MPP2: variants seen among roughly 807,000 people sequenced by gnomAD.
MPP2 encodes MAGUK p55 scaffold protein 2, also known as MAGUK p55 subfamily member 2.
In MPP2, 42 loss-of-function variants were observed where a neutral mutation model predicts 58.5. The ratio of observed to expected loss-of-function variants is 0.72; its 90% confidence interval spans 0.56 to 0.93. MPP2 has a LOEUF of 0.93. MPP2 is among the 40% of genes least tolerant of loss of function. MPP2 has a pLI of 0.00. For missense variants in MPP2, 632 were observed against 760.4 expected, an observed-to-expected ratio of 0.83 and a Z score of 1.99; for synonymous variants, 300 against 307.8, an observed-to-expected ratio of 0.97 and a Z score of 0.26.
intron 1 of MPP2, 67 bp downstream of exon 1, chr17:43,907,407 G>A (rs2048333628): frequency 2.0e-6 from 2 of 985,576 alleles, no homozygotes; most frequent in Non-Finnish European, 2.4e-6. Context: ...CCTAAGTGCC[G>A]TGTCAGGACG....
At chr17:43,900,441 C>T (rs1348885715) in intron 2 of MPP2, 32 of 1,545,824 alleles carry the variant, frequency 2.1e-5, no homozygotes, top group African/African-American at 2.7e-5. Flanking sequence ...GGCCAGCTGC[C>T]CCGCCCCCAT....
intron 1 of MPP2, among the ~76,000 whole-genome samples, chr17:43,906,863 C>A (rs1460518559): frequency 1.3e-5 from 2 of 150,828 alleles, no homozygotes; most frequent in South Asian, 2.1e-4. Context: ...TCCGCACCGC[C>A]CCCCCCTTAA....
intron 2 of MPP2, chr17:43,901,357 C>T (rs1039256204): frequency 2.0e-6 from 2 of 985,438 alleles, no homozygotes; most frequent in Non-Finnish European, 1.2e-6. Flanking sequence ...GGGATGATGC[C>T]CAGGAAGCAA....
At chr17:43,904,531 G>A (rs1368410041) in intron 1 of MPP2, 38 bp from the exon 2 acceptor site, 2 of 1,576,954 alleles carry the variant, frequency 1.3e-6, no homozygotes, top group Non-Finnish European at 1.7e-6. Context: ...AGATACAAGG[G>A]CAAAGCAATG....
chr17:43,898,614 C>A (rs951249756), intron 2 of MPP2, among the ~76,000 whole-genome samples: 11 of 151,930 alleles, frequency 7.2e-5, no homozygotes, highest in Non-Finnish European at 1.6e-4. Context: ...CTAGGTAATG[C>A]CAGCCTGAGC....
At chr17:43,906,619 C>A (rs905458113) in intron 1 of MPP2, among the ~76,000 whole-genome samples, 5 of 152,184 alleles carry the variant, frequency 3.3e-5, no homozygotes, top group African/African-American at 1.2e-4. Context: ...GCGGGGAGGT[C>A]TGGACAGAAC....
chr17:43,885,774 C>T lies in MPP2; in HGVS notation c.151-2419G>A, dbSNP rs139446430. ...GGGATAAAAGACTACACACTGGGTACAGTGTATACTGCTTGGGTGATGGGT... is the reference window on the plus strand; with the variant it reads ...GGGATAAAAGACTACACACTGGGTATAGTGTATACTGCTTGGGTGATGGGT... On this transcript the variant is annotated intron_variant, in intron 3 of 12. Coordinates refer to ENST00000269095, the MANE Select transcript of MPP2 (RefSeq NM_005374.5). 2.9e-3 allele frequency among the ~76,000 whole-genome samples: 444 copies of T among 152,252 alleles called. 2 individuals are homozygous for T. Among genetic ancestry groups the T allele is most frequent in the Admixed American group, 4.8e-3 (73 of 15,290 alleles).
intron 3 of MPP2, among the ~76,000 whole-genome samples, chr17:43,886,553 T>C (rs1204823731): frequency 1.3e-5 from 2 of 152,240 alleles, no homozygotes; most frequent in Admixed American, 6.5e-5. Context: ...TCCGGCATAG[T>C]ATTCTATATC....
chr17:43,883,946 G>A (rs955639114), intron 3 of MPP2: 30 of 568,318 alleles, frequency 5.3e-5, no homozygotes, highest in African/African-American at 1.9e-4. Flanking sequence ...GGAATCCTTC[G>A]CCAGTGACCA....
chr17:43,881,500 G>A lies in MPP2; in HGVS notation c.771C>T (p.Asp257=), dbSNP rs1390003453. Residue 257 remains aspartate (D), a synonymous_variant, in exon 7 of 13, where the codon GAC becomes GAT. Coordinates refer to ENST00000269095, the MANE Select transcript of MPP2 (RefSeq NM_005374.5). The part of the protein sequence containing the change: ...KEAGLRFNAG[D]LLQIVNQDDA... ...CATCCTGGTTTACGATCTGGAGCAA[G>A]TCCCCGGCGTTGAAGCGCAGGCCTG... 17 of 1,614,044 alleles carry A rather than the reference G, an allele frequency of 1.1e-5. No homozygotes were observed. The highest frequency in any genetic ancestry group is 1.4e-5 in the Non-Finnish European group (17 of 1,180,016).
intron 1 of MPP2, among the ~76,000 whole-genome samples, 178 bp from the exon 2 acceptor site, chr17:43,904,671 T>C (rs2048222576): frequency 6.6e-6 from 1 of 152,136 alleles, no homozygotes; most frequent in South Asian, 2.1e-4. Context: ...AGAGCAGGTA[T>C]TACTCGCCTA....
upstream of MPP2, among the ~76,000 whole-genome samples, chr17:43,908,708 CAAAAG>C (rs942215861): frequency 6.6e-6 from 1 of 152,166 alleles, no homozygotes; most frequent in African/African-American, 2.4e-5. Flanking sequence ...GACCCTGTCT[CAAAAG>C]AAACAAAAAG....
Position 43,897,591 on chromosome 17 carries a change from C to G in MPP2, c.150+671G>C, listed in dbSNP as rs150367981. 1.5e-4 allele frequency among the ~76,000 whole-genome samples: 23 copies of G among 152,328 alleles called. No individual in the cohort carries two copies. In the East Asian group the frequency reaches 4.1e-3, roughly 27 times the overall value. On this transcript the variant is annotated intron_variant, in intron 3 of 12. Transcript: ENST00000269095. ...CCCTCCAGACCTGCCAACCTTTGCA[C>G]AGCTCGCATTGTCTTACACTTGAGG...
chr17:43,882,984 C>G lies in MPP2; in HGVS notation c.372G>C (p.Leu124=), dbSNP rs759869040. The change falls in exon 5 of 13, where the codon CTG becomes CTC. Residue 124 remains leucine (L), a synonymous_variant. Coordinates refer to ENST00000269095, the MANE Select transcript of MPP2 (RefSeq NM_005374.5). ...TYETPPPSPG[L]DPTFSNQPVP... ...CAGGCTGGTTGCTGAATGTAGGGTC[C>G]AGGCCAGGGCTGGGGGGTGGTGTCT... is the stretch of plus-strand genomic sequence containing the variant. 3 of 1,614,008 alleles carry G rather than the reference C, an allele frequency of 1.9e-6. No homozygotes were observed. In the African/African-American group the frequency reaches 4.0e-5, roughly 22 times the overall value.
In MPP2 at chr17:43,883,456, AC is replaced by A. The variant is rs898430504; in HGVS notation, c.151-102del. On this transcript the variant is annotated intron_variant, in intron 3 of 12. Transcript: ENST00000269095. ...AGCCCCCAGGCATTTTCCCCATCCC[AC>A]CCCCCAGCCCCCAGCTTCAGCTCCT... 1.2e-4 allele frequency: 152 copies of A among 1,224,208 alleles called. 1 individual carries two copies. The Middle Eastern group carries it at 1.6e-3, about 13-fold the overall frequency. The allele number at this position is 1,224,208 out of a possible 1,614,324, so 75.8% of individuals were successfully genotyped here. A position where few individuals can be genotyped will look rare whatever the true frequency, so the allele number is the denominator to read the frequency against.
At chr17:43,884,634 G>A (rs1157862009) in intron 3 of MPP2, among the ~76,000 whole-genome samples, 1 of 152,194 alleles carries the variant, frequency 6.6e-6, no homozygotes, top group Non-Finnish European at 1.5e-5. Context: ...TTCTACGTAG[G>A]TGATCTTGTG....
chr17:43,908,304 G>A (rs1359611718), upstream of MPP2, among the ~76,000 whole-genome samples: 2 of 152,226 alleles, frequency 1.3e-5, no homozygotes, highest in Non-Finnish European at 2.9e-5. Flanking sequence ...GGGAGGCTCT[G>A]TGCAGTGCGA....
chr17:43,898,515 C>CCAGCAACA (rs2047949895), intron 2 of MPP2, 135 bp from the exon 3 acceptor site: 6 of 620,542 alleles, frequency 9.7e-6, no homozygotes, highest in Non-Finnish European at 1.4e-5. Flanking sequence ...ATTCCCCTCC[C>CCAGCAACA]TGCCCAGCAC....
chr17:43,881,691 T>C, intron 6 of MPP2, 102 bp from the exon 7 acceptor site: 1 of 1,439,808 alleles, frequency 6.9e-7, no homozygotes, highest in Non-Finnish European at 9.4e-7. Context: ...TAAGGGGCAA[T>C]GGAACTGTCC....
Sources: gnomAD v4.1 joint callset for allele counts (sites outside exome capture counted in the v4.1 genomes callset) on GRCh38, gnomAD v4.1.1 for gene constraint, MANE v1.5 for transcripts, NCBI Gene and HGNC (gene_info 2026-07-23, HGNC 2026-07-21) for gene names.